The following XIRP2 variants were observed in gnomAD, a reference collection of about 807,000 sequenced individuals.
XIRP2 encodes xin actin-binding repeat-containing protein 2.
A neutral mutation model predicts 277.0 loss-of-function variants in XIRP2; 236 were observed. The observed-to-expected ratio is 0.85, with a 90% CI of 0.77 to 0.95. XIRP2 has a LOEUF of 0.95. Among genes scored for constraint, XIRP2 ranks in the 40% least tolerant of loss-of-function variants. The pLI is 0.00. For missense variants in XIRP2, 4,640 were observed against 4,157.5 expected (o/e 1.12, Z -3.19); for synonymous variants, 1,490 against 1,416.5 (o/e 1.05, Z -1.17).
rs756944506 is a variant in XIRP2 at position 167,245,033 on chromosome 2, C to T, written c.3641C>T (p.Ser1214Phe). 1.2e-6 allele frequency: 2 copies of T among 1,612,836 alleles called. No individual in the cohort carries two copies. The highest frequency in any genetic ancestry group is 1.7e-6 in the Non-Finnish European group (2 of 1,179,582). Residue 1214 changes from serine to phenylalanine, a missense_variant, in exon 9 of 11, where the codon TCT becomes TTT. Coordinates refer to ENST00000409195, the MANE Select transcript of XIRP2 (RefSeq NM_152381.6). The stretch of plus-strand genomic sequence containing the variant: ...AATCAGTCCTTAGATTCTATAAGTT[C>T]TAGTTCAGAGGAAGTTTTGAAAAAG... ...FENQSLDSIS[S>F]SSEEVLKKIK...
intron 3 of XIRP2, among the ~76,000 whole-genome samples, chr2:167,146,219 A>G (rs1281883778): frequency 6.6e-6 from 1 of 152,072 alleles, no homozygotes; most frequent in African/African-American, 2.4e-5. Flanking sequence ...ATTATACAGA[A>G]CTGGGCATAG....
chr2:167,093,552 G>T (rs1690210487), intron 2 of XIRP2, among the ~76,000 whole-genome samples: 2 of 152,056 alleles, frequency 1.3e-5, no homozygotes, highest in Admixed American at 1.3e-4. Flanking sequence ...CCACTTAGGA[G>T]TGAGAACATG....
At chr2:167,004,715 G>A (rs1338197407) in intron 2 of XIRP2, among the ~76,000 whole-genome samples, 2 of 151,774 alleles carry the variant, frequency 1.3e-5, no homozygotes, top group Non-Finnish European at 2.9e-5. Flanking sequence ...TGGGTTAGCA[G>A]AATCTAGGGC....
In XIRP2 at chr2:167,025,799, C is replaced by A. The variant is rs868162674; in HGVS notation, c.409-110110C>A. 6.8e-3 allele frequency among the ~76,000 whole-genome samples: 1,027 copies of A among 151,878 alleles called. 5 individuals carry two copies. Among genetic ancestry groups the A allele is most frequent in the Middle Eastern group, 0.037 (11 of 294 alleles). ...TTTCTTAATCCTGAGTTCTAGTTTGCTTGCACTGTGGTCTGAGAGACAGTT... is the reference window on the plus strand; with the variant it reads ...TTTCTTAATCCTGAGTTCTAGTTTGATTGCACTGTGGTCTGAGAGACAGTT... On this transcript the variant is annotated intron_variant, in intron 2 of 10. Coordinates refer to ENST00000409195, the MANE Select transcript of XIRP2 (RefSeq NM_152381.6).
At chr2:167,084,895 C>A (rs1055062454) in intron 2 of XIRP2, among the ~76,000 whole-genome samples, 9 of 151,364 alleles carry the variant, frequency 5.9e-5, no homozygotes, top group Admixed American at 5.9e-4. Context: ...AAAACCAGCT[C>A]CTGGATTCAT....
chr2:167,179,552 C>G (rs1383980028), intron 3 of XIRP2, among the ~76,000 whole-genome samples: 1 of 152,066 alleles, frequency 6.6e-6, no homozygotes, highest in East Asian at 1.9e-4. Context: ...GAACTCCTGA[C>G]CTCATGATCT....
intron 3 of XIRP2, among the ~76,000 whole-genome samples, chr2:167,183,450 C>T (rs1283710683): frequency 6.6e-6 from 1 of 152,090 alleles, no homozygotes; most frequent in Non-Finnish European, 1.5e-5. Flanking sequence ...AAAAAATATC[C>T]ATACCCATGC....
At chr2:167,001,938 A>G (rs1687385638) in intron 2 of XIRP2, among the ~76,000 whole-genome samples, 1 of 152,172 alleles carries the variant, frequency 6.6e-6, no homozygotes, top group Non-Finnish European at 1.5e-5. Flanking sequence ...CAACAAACAT[A>G]GGAAAAATTA....
chr2:167,053,458 G>A (rs1329198418), intron 2 of XIRP2, among the ~76,000 whole-genome samples: 1 of 151,824 alleles, frequency 6.6e-6, no homozygotes, highest in African/African-American at 2.4e-5. Flanking sequence ...ATAAGGACAG[G>A]GTGCAATGGG....
chr2:167,028,127 A>C (rs1688226834), intron 2 of XIRP2, among the ~76,000 whole-genome samples: 1 of 152,102 alleles, frequency 6.6e-6, no homozygotes, highest in African/African-American at 2.4e-5. Context: ...TAAAATATTA[A>C]ATTTTTCTTT....
intron 2 of XIRP2, among the ~76,000 whole-genome samples, chr2:167,039,646 T>C (rs959442162): frequency 2.6e-5 from 4 of 152,102 alleles, no homozygotes; most frequent in Non-Finnish European, 5.9e-5. Context: ...GGAGTTGAAG[T>C]GGTGAAAGTC....
At chr2:167,176,737 A>G (rs763521864) in intron 3 of XIRP2, among the ~76,000 whole-genome samples, 3 of 152,174 alleles carry the variant, frequency 2.0e-5, no homozygotes. Flanking sequence ...TATCAGTTCT[A>G]TGATTGTCTT....
At chr2:167,145,963 T>C (rs1691851851) in intron 3 of XIRP2, among the ~76,000 whole-genome samples, 1 of 152,038 alleles carries the variant, frequency 6.6e-6, no homozygotes, top group African/African-American at 2.4e-5. Flanking sequence ...AACACAGAAT[T>C]AAACAGTAAA....
At chr2:167,091,595 TG>T (rs1045268573) in intron 2 of XIRP2, among the ~76,000 whole-genome samples, 17 of 152,088 alleles carry the variant, frequency 1.1e-4, no homozygotes, top group African/African-American at 4.1e-4. Context: ...TTCTTGAATA[TG>T]TTGAATCATA....
intron 5 of XIRP2, among the ~76,000 whole-genome samples, chr2:167,234,218 TA>T (rs1694837318): frequency 6.6e-6 from 1 of 151,564 alleles, no homozygotes; most frequent in Admixed American, 6.6e-5. Flanking sequence ...TCTTTCTAGC[TA>T]AATATTACCA....
intron 1 of XIRP2, 86 bp from the exon 2 acceptor site, chr2:166,903,379 G>C: frequency 7.3e-7 from 1 of 1,365,514 alleles, no homozygotes; most frequent in Non-Finnish European, 9.9e-7. Context: ...CAAACCCCAA[G>C]AGCTGGTGCT....
intron 2 of XIRP2, among the ~76,000 whole-genome samples, chr2:166,941,762 C>A (rs1685725288): frequency 2.6e-5 from 4 of 152,114 alleles, no homozygotes. Flanking sequence ...ATCAACAGAA[C>A]AACTGTTCTA....
intron 2 of XIRP2, among the ~76,000 whole-genome samples, chr2:167,130,066 T>C (rs2105312810): frequency 6.6e-6 from 1 of 152,202 alleles, no homozygotes; most frequent in African/African-American, 2.4e-5. Context: ...TGCCTCTCCA[T>C]AATCAGCAAT....
intron 2 of XIRP2, among the ~76,000 whole-genome samples, chr2:167,060,029 A>G (rs1158325969): frequency 1.3e-5 from 2 of 152,156 alleles, no homozygotes; most frequent in Non-Finnish European, 2.9e-5. Flanking sequence ...TGCCAGCTGA[A>G]TGTACCTGAA....
Sources: gnomAD v4.1 joint callset for allele counts (sites outside exome capture counted in the v4.1 genomes callset) on GRCh38, gnomAD v4.1.1 for gene constraint, MANE v1.5 for transcripts, NCBI Gene and HGNC (gene_info 2026-07-23, HGNC 2026-07-21) for gene names.